The following PHIP variants were observed in gnomAD, a reference collection of about 807,000 sequenced individuals.
PHIP encodes the protein PH-interacting protein.
A neutral mutation model predicts 236.8 loss-of-function variants in PHIP; 54 were observed. That is an observed-to-expected ratio of 0.23 (90% CI 0.18 to 0.29). The LOEUF (loss-of-function observed/expected upper bound fraction) is 0.29. Ranked by LOEUF, PHIP falls within the 10% of genes least tolerant of loss-of-function variation. The pLI, the probability that PHIP is intolerant of heterozygous loss-of-function variation, is 1.00. For synonymous variants in PHIP, 756 were observed against 718.9 expected, an observed-to-expected ratio of 1.05 and a Z score of -0.83; for missense variants, 1,370 against 2,190.8, an observed-to-expected ratio of 0.63 and a Z score of 7.48.
intron 19 of PHIP, among the ~76,000 whole-genome samples, chr6:78,996,850 T>C (rs1227193409): frequency 6.6e-6 from 1 of 152,144 alleles, no homozygotes; most frequent in Admixed American, 6.5e-5. Context: ...GCCTCATTCA[T>C]GAGTATTTCA....
intron 15 of PHIP, among the ~76,000 whole-genome samples, chr6:79,010,172 A>G (rs1770502973): frequency 6.6e-6 from 1 of 151,858 alleles, no homozygotes; most frequent in Non-Finnish European, 1.5e-5. Context: ...AATAAGAGAT[A>G]ACACAATATG....
At chr6:78,977,488 C>G (rs1017737725) in intron 24 of PHIP, among the ~76,000 whole-genome samples, 1 of 152,092 alleles carries the variant, frequency 6.6e-6, no homozygotes, top group African/African-American at 2.4e-5. Flanking sequence ...AACTAACCTG[C>G]ACAATGTACA....
chr6:78,989,895 T>C (rs993851510), intron 20 of PHIP, among the ~76,000 whole-genome samples: 5 of 152,142 alleles, frequency 3.3e-5, no homozygotes, highest in Non-Finnish European at 7.4e-5. Flanking sequence ...ACAAGATTAT[T>C]TCAGAAAGAA....
At chr6:79,024,439 C>A (rs1001900793) in intron 9 of PHIP, among the ~76,000 whole-genome samples, 1 of 152,136 alleles carries the variant, frequency 6.6e-6, no homozygotes, top group African/African-American at 2.4e-5. Context: ...ATTGAATACA[C>A]TACTTTCTTG....
At chr6:78,962,176 A>C in intron 30 of PHIP, among the ~76,000 whole-genome samples, 1 of 152,142 alleles carries the variant, frequency 6.6e-6, no homozygotes, top group East Asian at 1.9e-4. Flanking sequence ...ACTGCATTCA[A>C]ATCTAACCTT....
chr6:79,043,339 T>C (rs1772317403), intron 6 of PHIP, among the ~76,000 whole-genome samples: 1 of 152,086 alleles, frequency 6.6e-6, no homozygotes, highest in Admixed American at 6.6e-5. Flanking sequence ...CATTTATATG[T>C]TATTTCCTTA....
intron 6 of PHIP, among the ~76,000 whole-genome samples, chr6:79,053,483 T>C (rs1253145858): frequency 1.3e-5 from 2 of 152,220 alleles, no homozygotes; most frequent in African/African-American, 2.4e-5. Flanking sequence ...TAACTGAACA[T>C]AGTTTTCTTT....
intron 19 of PHIP, among the ~76,000 whole-genome samples, chr6:78,996,544 C>T (rs1769629124): frequency 6.6e-6 from 1 of 152,058 alleles, no homozygotes; most frequent in Admixed American, 6.6e-5. Flanking sequence ...AAGAATCTAA[C>T]TAAAAATATG....
chr6:79,019,516 C>T (rs1448540631), intron 9 of PHIP, among the ~76,000 whole-genome samples: 1 of 152,040 alleles, frequency 6.6e-6, no homozygotes, highest in Non-Finnish European at 1.5e-5. Context: ...CTAAGCTATT[C>T]GCAAACATGA....
chr6:78,962,697 C>T (rs1766862409), intron 30 of PHIP, among the ~76,000 whole-genome samples: 1 of 152,048 alleles, frequency 6.6e-6, no homozygotes, highest in Non-Finnish European at 1.5e-5. Context: ...TTAAGAAGAT[C>T]CTCTTTTGTG....
chr6:78,994,293 C>T (rs2127726249), intron 19 of PHIP, among the ~76,000 whole-genome samples: 1 of 152,122 alleles, frequency 6.6e-6, no homozygotes, highest in Middle Eastern at 3.4e-3. Flanking sequence ...ACTATATGAA[C>T]TTGGCCAGGC....
intron 6 of PHIP, among the ~76,000 whole-genome samples, chr6:79,059,600 T>TATATATATATATATAC (rs1773257318): frequency 1.1e-5 from 1 of 91,288 alleles, no homozygotes; most frequent in Non-Finnish European, 2.6e-5. Flanking sequence ...ATTATATATA[T>TATATATATATATATAC]ATATATATAT....
intron 22 of PHIP, among the ~76,000 whole-genome samples, chr6:78,984,201 A>C (rs1031173415): frequency 2.0e-5 from 3 of 152,126 alleles, no homozygotes; most frequent in African/African-American, 7.2e-5. Context: ...TGATTATCCT[A>C]ATCATCCCAG....
rs187722288 is a variant in PHIP at position 79,018,361 on chromosome 6, G to A, written c.994+728C>T. On this transcript the variant is annotated intron_variant, in intron 10 of 39. Coordinates refer to ENST00000275034, the MANE Select transcript of PHIP (RefSeq NM_017934.7). ...CATGTTTGGATATTAGTATGGCAAA[G>A]ACAGACTCACTTCATTAGTTTGCTA... Among the ~76,000 whole-genome samples, 97 of 151,958 alleles carry A rather than the reference G, an allele frequency of 6.4e-4. 1 individual carries two copies. The South Asian group carries it at 8.1e-3, about 13-fold the overall frequency.
chr6:79,001,461 A>G (rs76892898), intron 17 of PHIP, among the ~76,000 whole-genome samples: 1,911 of 152,160 alleles, frequency 0.013, 35 homozygotes, highest in African/African-American at 0.043. Context: ...ATTCATCACA[A>G]TTTGAACTAT....
At chr6:78,999,250 C>A (rs1769835609) in intron 17 of PHIP, among the ~76,000 whole-genome samples, 1 of 152,114 alleles carries the variant, frequency 6.6e-6, no homozygotes, top group Non-Finnish European at 1.5e-5. Context: ...AAAGTAAACA[C>A]CTTCATGCAC....
At chr6:79,000,401 T>C (rs1769907740) in intron 17 of PHIP, among the ~76,000 whole-genome samples, 1 of 152,050 alleles carries the variant, frequency 6.6e-6, no homozygotes, top group South Asian at 2.1e-4. Context: ...GTCCCTGTGA[T>C]TCTATGACAC....
chr6:78,961,540 A>G (rs1224471962), intron 31 of PHIP, 150 bp downstream of exon 31: 32 of 661,350 alleles, frequency 4.8e-5, no homozygotes, highest in Admixed American at 3.2e-4. Context: ...CTCCAAATCT[A>G]CTGAATAAGA....
intron 29 of PHIP, among the ~76,000 whole-genome samples, chr6:78,964,993 T>C (rs914021550): frequency 1.2e-4 from 19 of 152,262 alleles, no homozygotes; most frequent in African/African-American, 4.3e-4. Context: ...AAAGAAAATA[T>C]AATCTCCAGG....
Sources: gnomAD v4.1 joint callset for allele counts (sites outside exome capture counted in the v4.1 genomes callset) on GRCh38, gnomAD v4.1.1 for gene constraint, MANE v1.5 for transcripts, NCBI Gene and HGNC (gene_info 2026-07-23, HGNC 2026-07-21) for gene names.